The following POLQ variants were observed in gnomAD, a reference collection of about 807,000 sequenced individuals.
POLQ encodes epididymis secretory sperm binding protein.
Under a neutral mutation model 259.2 loss-of-function variants are expected in POLQ, and 233 were observed. That is an observed-to-expected ratio of 0.90 (90% CI 0.81 to 1.00). POLQ has a LOEUF of 1.00. Ranked by LOEUF, POLQ falls within the 50% of genes least tolerant of loss-of-function variation. The probability of loss-of-function intolerance (pLI) is 0.00; values close to 1 mark genes in which losing one functional copy is unlikely to be tolerated. For missense variants in POLQ, 2,871 were observed against 3,051.6 expected, an observed-to-expected ratio of 0.94 and a Z score of 1.39; for synonymous variants, 1,025 against 1,048.8, an observed-to-expected ratio of 0.98 and a Z score of 0.44.
chr3:121,521,305 G>A (rs1260125172), intron 8 of POLQ, among the ~76,000 whole-genome samples: 2 of 152,136 alleles, frequency 1.3e-5, no homozygotes, highest in Admixed American at 6.5e-5. Context: ...TATATAGAGG[G>A]TTTGGTACTA....
intron 14 of POLQ, among the ~76,000 whole-genome samples, chr3:121,496,324 C>T (rs2048123927): frequency 6.6e-6 from 1 of 151,930 alleles, no homozygotes; most frequent in Non-Finnish European, 1.5e-5. Flanking sequence ...TATAAGCGCC[C>T]ACCGCCACAC....
Position 121,432,216 on chromosome 3 carries a change from G to A in POLQ, c.*88C>T, listed in dbSNP as rs2047499277. Reference sequence around the variant, plus strand: ...CTATCAAGACTTGAAAGTTTGTTTTGCTGAGGTAGGTGAAAGGGTAATCTC... The same window carrying A: ...CTATCAAGACTTGAAAGTTTGTTTTACTGAGGTAGGTGAAAGGGTAATCTC... On this transcript the variant is annotated 3_prime_UTR_variant, in exon 30 of 30. Coordinates refer to ENST00000264233, the MANE Select transcript of POLQ (RefSeq NM_199420.4). The A allele has an allele frequency of 8.2e-7, 1 of 1,224,680 alleles. No individual in the cohort carries two copies. Among genetic ancestry groups the A allele is most frequent in the Non-Finnish European group, 1.1e-6 (1 of 899,042 alleles). 75.9% of individuals were successfully genotyped at this position (1,224,680 alleles called of 1,614,324 possible).
chr3:121,450,026 G>A (rs1576400379), intron 25 of POLQ, among the ~76,000 whole-genome samples: 1 of 152,318 alleles, frequency 6.6e-6, no homozygotes, highest in East Asian at 1.9e-4. Flanking sequence ...AGAAAGTCTG[G>A]TTTAATCACA....
chr3:121,495,293 T>C (rs2108801447), intron 14 of POLQ, among the ~76,000 whole-genome samples: 1 of 151,554 alleles, frequency 6.6e-6, no homozygotes, highest in East Asian at 2.0e-4. Context: ...AGTAAGGGAC[T>C]CTTTCCACCT....
At chr3:121,545,489 G>GA (rs2048525923) in intron 1 of POLQ, among the ~76,000 whole-genome samples, 1 of 152,168 alleles carries the variant, frequency 6.6e-6, no homozygotes, top group Admixed American at 6.5e-5. Context: ...TCTAAAGGTC[G>GA]AAAGATCCAG....
rs776142020 is a variant in POLQ at position 121,512,042 on chromosome 3, G to C, written c.1469-13C>G. The C allele has an allele frequency of 1.9e-5, 30 of 1,606,054 alleles. No individual in the cohort carries two copies. In the South Asian group the frequency reaches 3.2e-4, roughly 17 times the overall value. ...AAGATACTCTCGCCTATAACCAAAA[G>C]ATACACATTTGCAAAATCCCAATAT... On this transcript the variant is annotated splice_polypyrimidine_tract_variant and intron_variant, in intron 9 of 29. Coordinates refer to ENST00000264233, the MANE Select transcript of POLQ (RefSeq NM_199420.4).
intron 1 of POLQ, 60 bp from the exon 2 acceptor site, chr3:121,544,966 T>A (rs2048520229): frequency 1.9e-6 from 2 of 1,068,080 alleles, no homozygotes; most frequent in East Asian, 5.2e-5. Context: ...GTTTTACAGT[T>A]AGCCCTTCAC....
At chr3:121,507,607 G>GT (rs2108806450) in intron 12 of POLQ, among the ~76,000 whole-genome samples, 1 of 152,048 alleles carries the variant, frequency 6.6e-6, no homozygotes, top group East Asian at 1.9e-4. Context: ...TGCACCTGTA[G>GT]TCCCAGCTAC....
intron 24 of POLQ, among the ~76,000 whole-genome samples, chr3:121,461,819 G>A (rs538959054): frequency 6.6e-6 from 1 of 152,238 alleles, no homozygotes; most frequent in South Asian, 2.1e-4. Flanking sequence ...CCTCATACAT[G>A]TAGTAATCTA....
At chr3:121,535,487 G>A (rs1399593171) in intron 5 of POLQ, among the ~76,000 whole-genome samples, 2 of 152,024 alleles carry the variant, frequency 1.3e-5, no homozygotes, top group Non-Finnish European at 2.9e-5. Context: ...AGGCCGAGGT[G>A]GGTAGATCAC....
intron 22 of POLQ, among the ~76,000 whole-genome samples, chr3:121,471,650 G>A (rs2047884430): frequency 1.3e-5 from 2 of 152,186 alleles, no homozygotes; most frequent in Admixed American, 6.5e-5. Flanking sequence ...GTTGAGGCAG[G>A]AGAATCACTT....
chr3:121,439,815 T>G (rs1338079763), intron 27 of POLQ, among the ~76,000 whole-genome samples, 177 bp downstream of exon 27: 4 of 152,254 alleles, frequency 2.6e-5, no homozygotes, highest in African/African-American at 7.2e-5. Flanking sequence ...CAGCAAATAC[T>G]GGCATGTGCC....
intron 25 of POLQ, 41 bp from the exon 26 acceptor site, chr3:121,449,467 TA>T: frequency 9.0e-7 from 1 of 1,110,188 alleles, no homozygotes; most frequent in Non-Finnish European, 1.4e-6. Flanking sequence ...TATAAGTACA[TA>T]AAATGCAAAT....
At chr3:121,484,599 C>T (rs976756635) in intron 17 of POLQ, among the ~76,000 whole-genome samples, 1 of 152,136 alleles carries the variant, frequency 6.6e-6, no homozygotes, top group Non-Finnish European at 1.5e-5. Context: ...GCCAGCTGCT[C>T]TCCAAAAAAT....
chr3:121,522,850 C>T (rs961146996), intron 7 of POLQ, among the ~76,000 whole-genome samples: 3 of 152,190 alleles, frequency 2.0e-5, no homozygotes, highest in Non-Finnish European at 4.4e-5. Flanking sequence ...AAAATCAAAA[C>T]CCTTGCTCAA....
chr3:121,542,245 A>G (rs2048495679), intron 2 of POLQ, among the ~76,000 whole-genome samples: 1 of 151,924 alleles, frequency 6.6e-6, no homozygotes, highest in Non-Finnish European at 1.5e-5. Flanking sequence ...GGAGGCCACG[A>G]TGGGCAAGGT....
At chr3:121,522,917 G>A (rs1464467155) in intron 7 of POLQ, among the ~76,000 whole-genome samples, 13 of 152,166 alleles carry the variant, frequency 8.5e-5, no homozygotes, top group Admixed American at 7.9e-4. Flanking sequence ...ATCCCGTCAC[G>A]AAAAAGCCTA....
intron 25 of POLQ, among the ~76,000 whole-genome samples, chr3:121,457,827 C>T (rs946541118): frequency 9.9e-5 from 15 of 152,062 alleles, no homozygotes; most frequent in African/African-American, 1.9e-4. Context: ...GTCAGTGTGG[C>T]GATTCCTCAG....
intron 6 of POLQ, among the ~76,000 whole-genome samples, chr3:121,531,142 G>A (rs1265911376): frequency 2.0e-5 from 3 of 152,094 alleles, no homozygotes; most frequent in African/African-American, 4.8e-5. Flanking sequence ...AGCTGAGATC[G>A]CGCCATTGCA....
Sources: allele counts gnomAD v4.1 joint callset (sites outside exome capture counted in the v4.1 genomes callset), GRCh38; gene constraint gnomAD v4.1.1; transcripts MANE v1.5; gene names NCBI Gene and HGNC (gene_info 2026-07-23, HGNC 2026-07-21).